The following MTAP variants were observed in gnomAD, a reference collection of about 807,000 sequenced individuals.
MTAP encodes S-methyl-5'-thioadenosine phosphorylase.
Under a neutral mutation model 33.6 loss-of-function variants are expected in MTAP, and 33 were observed. The ratio of observed to expected loss-of-function variants is 0.98; its 90% CI spans 0.74 to 1.31. The LOEUF (loss-of-function observed/expected upper bound fraction) is 1.31, where lower values mean the gene tolerates loss of function less well. MTAP is among the 40% of genes most tolerant of loss of function. MTAP has a pLI of 0.00. For synonymous variants in MTAP, 148 were observed against 125.7 expected (o/e 1.18, Z -1.19); for missense variants, 367 against 360.0 (o/e 1.02, Z -0.16).
At chr9:21,913,443 G>T (rs1818619891) in intron 1 of MTAP, among the ~76,000 whole-genome samples, 1 of 152,106 alleles carries the variant, frequency 6.6e-6, no homozygotes, top group Admixed American at 6.5e-5. Flanking sequence ...ATAGACCAAT[G>T]GAACAGAATA....
At chr9:21,857,230 G>GA (rs1427490780) in intron 6 of MTAP, among the ~76,000 whole-genome samples, 1 of 152,130 alleles carries the variant, frequency 6.6e-6, no homozygotes, top group Non-Finnish European at 1.5e-5. Context: ...CCAGTCACAG[G>GA]AAAAATATAT....
At chr9:21,930,367 A>C (rs918906561) in intron 1 of MTAP, 2 of 204,542 alleles carry the variant, frequency 9.8e-6, no homozygotes, top group African/African-American at 4.7e-5. Flanking sequence ...GTGGCCAATC[A>C]GTTTACCAAT....
At chr9:21,810,549 A>G (rs1266864102) in intron 1 of MTAP, among the ~76,000 whole-genome samples, 3 of 152,174 alleles carry the variant, frequency 2.0e-5, no homozygotes, top group Non-Finnish European at 4.4e-5. Flanking sequence ...GATTATTACC[A>G]TGGCTCATGA....
chr9:21,910,910 G>C (rs1818565602), intron 1 of MTAP, among the ~76,000 whole-genome samples: 1 of 152,036 alleles, frequency 6.6e-6, no homozygotes, highest in Non-Finnish European at 1.5e-5. Context: ...CCTATTTTGA[G>C]GCTCAAAGTA....
Position 21,811,450 on chromosome 9 carries a change from AT to A in MTAP, c.34-3973del, listed in dbSNP as rs34749428. Among the ~76,000 whole-genome samples the A allele has an allele frequency of 1.5e-4, 23 of 151,274 alleles. 1 individual carries two copies. In the East Asian group the frequency reaches 3.3e-3, roughly 22 times the overall value. ...GATTGATTTGCTCTTGAACAAAAAAATTTTTTTTTTCACTGTGAAAATGCTT... is the reference window on the plus strand; with the variant it reads ...GATTGATTTGCTCTTGAACAAAAAAATTTTTTTTTCACTGTGAAAATGCTT... On this transcript the variant is annotated intron_variant, in intron 1 of 7. Coordinates refer to ENST00000644715, the MANE Select transcript of MTAP (RefSeq NM_002451.4).
intron 1 of MTAP, among the ~76,000 whole-genome samples, chr9:21,810,369 G>C (rs1824315228): frequency 6.6e-6 from 1 of 152,180 alleles, no homozygotes; most frequent in Non-Finnish European, 1.5e-5. Context: ...AATTTATAAA[G>C]AGAAGAGGTT....
intron 1 of MTAP, among the ~76,000 whole-genome samples, chr9:21,911,986 GA>G (rs1554649011): frequency 6.6e-6 from 1 of 152,158 alleles, no homozygotes; most frequent in Non-Finnish European, 1.5e-5. Flanking sequence ...ACTACCATCA[GA>G]GAATACTATA....
chr9:21,877,466 C>T (rs944332804), intron 1 of MTAP, among the ~76,000 whole-genome samples: 1 of 152,098 alleles, frequency 6.6e-6, no homozygotes, highest in Non-Finnish European at 1.5e-5. Flanking sequence ...CCAGCTATTC[C>T]CCATCCGGTA....
rs146257151 is a variant in MTAP, at chr9:21,845,578, G to T, written c.450+7568G>T. ...GGATGGGCAGAATTAATATTGTTAA[G>T]AATTCTTACAAAAGCAATCTGCCAA... On this transcript the variant is annotated intron_variant, in intron 5 of 7. Coordinates refer to ENST00000644715, the MANE Select transcript of MTAP (RefSeq NM_002451.4). Among the ~76,000 whole-genome samples, 572 of 152,194 alleles carry T rather than the reference G, an allele frequency of 3.8e-3. 5 individuals carry two copies. Among genetic ancestry groups the T allele is most frequent in the African/African-American group, 0.013 (547 of 41,526 alleles).
At chr9:21,806,149 A>G (rs189214566) in intron 1 of MTAP, among the ~76,000 whole-genome samples, 4 of 152,280 alleles carry the variant, frequency 2.6e-5, no homozygotes, top group South Asian at 2.1e-4. Context: ...TGGCTGTTGT[A>G]TACAGAATAG....
chr9:21,856,128 G>GTCATTTATC, intron 6 of MTAP: 1 of 983,886 alleles, frequency 1.0e-6, no homozygotes, highest in Non-Finnish European at 1.2e-6. Context: ...CGTTCGTCCT[G>GTCATTTATC]TCATTTATCT....
intron 1 of MTAP, among the ~76,000 whole-genome samples, chr9:21,883,369 A>G (rs1003356750): frequency 1.3e-5 from 2 of 152,134 alleles, no homozygotes; most frequent in Non-Finnish European, 2.9e-5. Flanking sequence ...AAAATTAAGT[A>G]TGACAACTCC....
intron 4 of MTAP, among the ~76,000 whole-genome samples, chr9:21,831,011 C>T (rs1824953048): frequency 6.6e-6 from 1 of 152,178 alleles, no homozygotes; most frequent in African/African-American, 2.4e-5. Context: ...CTGCTTTATT[C>T]AAGTCATGAG....
intron 6 of MTAP, among the ~76,000 whole-genome samples, chr9:21,857,886 A>T (rs1008466826): frequency 6.6e-6 from 1 of 152,214 alleles, no homozygotes; most frequent in African/African-American, 2.4e-5. Context: ...CACAGTCTGA[A>T]TTGCTGAAAT....
chr9:21,865,024 G>A lies in MTAP; in HGVS notation c.*3010G>A, dbSNP rs2118605435. On this transcript the variant is annotated 3_prime_UTR_variant, in exon 8 of 8. Transcript: ENST00000644715. ...GTTTCAAGGAGTATCTGATGGGTTA[G>A]GAAGTCACGAAATGAGGAGTTCTTG... 1 of 985,496 alleles carries A rather than the reference G, an allele frequency of 1.0e-6. No individual in the cohort carries two copies. The highest frequency in any genetic ancestry group is 4.7e-5 in the South Asian group (1 of 21,292). 61.0% of individuals were successfully genotyped at this position (985,496 alleles called of 1,614,324 possible). A position where few individuals can be genotyped will look rare whatever the true frequency, so the allele number is the denominator to read the frequency against.
At chr9:21,811,620 G>T in intron 1 of MTAP, 1 of 502,122 alleles carries the variant, frequency 2.0e-6, no homozygotes, top group Non-Finnish European at 4.0e-6. Context: ...GAAGGCTCTA[G>T]GCCACCTACC....
chr9:21,851,964 G>A (rs549684923), intron 5 of MTAP, among the ~76,000 whole-genome samples: 2 of 152,164 alleles, frequency 1.3e-5, no homozygotes, highest in South Asian at 2.1e-4. Context: ...GCCCATTGTG[G>A]GACCTTGTGA....
At chr9:21,937,620 T>C (rs566217796) in exon 8 of MTAP, 2 of 152,358 alleles carry the variant, frequency 1.3e-5, no homozygotes, top group Admixed American at 6.5e-5. Flanking sequence ...GTTTTGTTTT[T>C]ACAGTTATTA....
chr9:21,931,670 G>T (rs1242936376), downstream of MTAP: 1 of 152,826 alleles, frequency 6.5e-6, no homozygotes, highest in African/African-American at 2.4e-5. Context: ...AAAGAGGAGA[G>T]ATGCAAAACC....
Sources: allele counts gnomAD v4.1 joint callset (sites outside exome capture counted in the v4.1 genomes callset), GRCh38; gene constraint gnomAD v4.1.1; transcripts MANE v1.5; gene names NCBI Gene and HGNC (gene_info 2026-07-23, HGNC 2026-07-21).